EDIL3: variants seen among roughly 807,000 people sequenced by gnomAD.
The protein encoded by EDIL3 is EGF like and discoidin domains 3.
In EDIL3, 37 loss-of-function variants were observed where a neutral mutation model predicts 67.4. That is an observed-to-expected ratio of 0.55 (90% CI 0.42 to 0.72). The LOEUF (loss-of-function observed/expected upper bound fraction) is 0.72, where lower values mean the gene tolerates loss of function less well. EDIL3 is among the 30% of genes least tolerant of loss of function. EDIL3 has a pLI of 0.00. For synonymous variants in EDIL3, 195 were observed against 196.3 expected (o/e 0.99, Z 0.05); for missense variants, 527 against 586.3 (o/e 0.90, Z 1.04).
intron 1 of EDIL3, among the ~76,000 whole-genome samples, chr5:84,350,633 TA>T (rs1387984629): frequency 1.3e-5 from 2 of 152,124 alleles, no homozygotes; most frequent in South Asian, 2.1e-4. Flanking sequence ...CTAGCTTTTT[TA>T]AAAATAGTGA....
chr5:84,275,866 T>C (rs1225402142), intron 1 of EDIL3, among the ~76,000 whole-genome samples: 2 of 152,240 alleles, frequency 1.3e-5, no homozygotes, highest in Non-Finnish European at 2.9e-5. Flanking sequence ...GCAAAAGTAA[T>C]TGTTGAGCAT....
At chr5:84,213,015 A>G (rs1363883249) in intron 3 of EDIL3, among the ~76,000 whole-genome samples, 1 of 151,756 alleles carries the variant, frequency 6.6e-6, no homozygotes, top group Non-Finnish European at 1.5e-5. Flanking sequence ...AAAAAAAAAA[A>G]TCACAGTCTG....
chr5:84,200,226 C>T (rs1743803226), intron 3 of EDIL3, among the ~76,000 whole-genome samples: 1 of 151,962 alleles, frequency 6.6e-6, no homozygotes. Context: ...ACATAATAAA[C>T]CTGCACGTTG....
intron 9 of EDIL3, among the ~76,000 whole-genome samples, chr5:83,980,322 G>A (rs984249595): frequency 2.0e-5 from 3 of 151,482 alleles, no homozygotes; most frequent in African/African-American, 4.9e-5. Context: ...ACTATAAAAC[G>A]GCAACAGAAG....
chr5:84,177,539 A>C (rs1304739753), intron 4 of EDIL3, among the ~76,000 whole-genome samples: 1 of 152,166 alleles, frequency 6.6e-6, no homozygotes, highest in African/African-American at 2.4e-5. Context: ...CAAATCCCAC[A>C]GAACTATACA....
intron 9 of EDIL3, among the ~76,000 whole-genome samples, chr5:83,965,591 T>A (rs1171889509): frequency 4.6e-5 from 7 of 152,006 alleles, no homozygotes; most frequent in Non-Finnish European, 1.0e-4. Context: ...CTTCTATAAG[T>A]CCTTAGCTAA....
chr5:84,260,482 A>T (rs1313918508), intron 1 of EDIL3, among the ~76,000 whole-genome samples: 1 of 152,160 alleles, frequency 6.6e-6, no homozygotes, highest in Non-Finnish European at 1.5e-5. Context: ...CCAACATTTG[A>T]TCCTCTGTGT....
chr5:84,048,616 G>A (rs918586602), intron 9 of EDIL3, among the ~76,000 whole-genome samples: 1 of 151,918 alleles, frequency 6.6e-6, no homozygotes, highest in South Asian at 2.1e-4. Flanking sequence ...AGGTGGGATT[G>A]TGACATTTTC....
At chr5:83,948,686 A>G (rs1288769584) in intron 10 of EDIL3, among the ~76,000 whole-genome samples, 1 of 151,820 alleles carries the variant, frequency 6.6e-6, no homozygotes, top group Non-Finnish European at 1.5e-5. Flanking sequence ...ATATCATATT[A>G]AACAAATCTT....
chr5:84,008,706 A>C (rs1458180129), intron 9 of EDIL3, among the ~76,000 whole-genome samples: 1 of 152,194 alleles, frequency 6.6e-6, no homozygotes, highest in Non-Finnish European at 1.5e-5. Flanking sequence ...GGGATAAAAA[A>C]GTGAGTAGGA....
chr5:84,191,593 A>G (rs774689094), intron 3 of EDIL3, among the ~76,000 whole-genome samples: 3 of 151,882 alleles, frequency 2.0e-5, no homozygotes, highest in Non-Finnish European at 4.4e-5. Context: ...GGTCTTGTAG[A>G]ATTCTGTTAA....
chr5:84,014,473 C>T (rs1039041190), intron 9 of EDIL3, among the ~76,000 whole-genome samples: 3 of 152,158 alleles, frequency 2.0e-5, no homozygotes, highest in Admixed American at 6.5e-5. Flanking sequence ...GGTGAAACCC[C>T]GTGTCTACTA....
intron 5 of EDIL3, among the ~76,000 whole-genome samples, chr5:84,110,724 T>C (rs138924058): frequency 6.6e-6 from 1 of 152,324 alleles, no homozygotes; most frequent in Non-Finnish European, 1.5e-5. Context: ...GAGAGTTCAG[T>C]AATTCTTCAA....
intron 1 of EDIL3, 151 bp from the exon 2 acceptor site, chr5:84,254,363 A>G: frequency 1.1e-6 from 1 of 903,514 alleles, no homozygotes; most frequent in Non-Finnish European, 1.6e-6. Context: ...GACTCATTTC[A>G]AACCATGTAC....
intron 9 of EDIL3, among the ~76,000 whole-genome samples, chr5:84,005,133 A>G (rs1009548275): frequency 1.3e-5 from 2 of 152,156 alleles, no homozygotes; most frequent in African/African-American, 2.4e-5. Flanking sequence ...TAAACCTGGA[A>G]GAAATTGAAA....
At chr5:84,028,572 CACACAG>C (rs1466422713) in intron 9 of EDIL3, among the ~76,000 whole-genome samples, 2 of 152,032 alleles carry the variant, frequency 1.3e-5, no homozygotes, top group Admixed American at 1.3e-4. Context: ...TACACACATA[CACACAG>C]ACACACACAC....
chr5:84,105,350 T>G (rs1257862679), intron 6 of EDIL3, among the ~76,000 whole-genome samples: 1 of 151,994 alleles, frequency 6.6e-6, no homozygotes, highest in Non-Finnish European at 1.5e-5. Context: ...TTATTAGAGC[T>G]CTATAGATAA....
intron 2 of EDIL3, among the ~76,000 whole-genome samples, chr5:84,252,508 A>AAAAAAAAAAAAAAAAAAAAAAAAAT: frequency 6.7e-6 from 1 of 148,808 alleles, no homozygotes; most frequent in Non-Finnish European, 1.5e-5. Context: ...AAAAAAAAAA[A>AAAAAAAAAAAAAAAAAAAAAAAAAT]AAAAAAAAAA....
chr5:84,046,101 T>C (rs1746219598), intron 9 of EDIL3, among the ~76,000 whole-genome samples: 1 of 152,216 alleles, frequency 6.6e-6, no homozygotes, highest in Non-Finnish European at 1.5e-5. Context: ...TACATTCCTA[T>C]TTCCTATTTG....
Sources: gnomAD v4.1 joint callset for allele counts (sites outside exome capture counted in the v4.1 genomes callset) on GRCh38, gnomAD v4.1.1 for gene constraint, MANE v1.5 for transcripts, NCBI Gene and HGNC (gene_info 2026-07-23, HGNC 2026-07-21) for gene names.